The following PHEX variants were observed in gnomAD, a reference collection of about 807,000 sequenced individuals.
PHEX encodes the protein phosphate regulating endopeptidase X-linked, also known as phosphate-regulating neutral endopeptidase PHEX.
Under a neutral mutation model 68.0 loss-of-function variants are expected in PHEX, and 16 were observed. That is an observed-to-expected ratio of 0.24 (90% confidence interval 0.16 to 0.36). PHEX has a LOEUF of 0.36. Among genes scored for constraint, PHEX ranks in the 10% least tolerant of loss-of-function variants. PHEX has a pLI of 1.00. For synonymous variants in PHEX, 208 were observed against 205.1 expected, an observed-to-expected ratio of 1.01 and a Z score of -0.12; for missense variants, 480 against 575.5, an observed-to-expected ratio of 0.83 and a Z score of 1.70.
intron 12 of PHEX, among the ~76,000 whole-genome samples, chrX:22,138,076 C>G (rs1049441209): frequency 3.6e-5 from 4 of 112,478 alleles, no homozygotes; most frequent in Admixed American, 2.8e-4. Flanking sequence ...GCCTTTCTTT[C>G]TCTACATATT....
At chrX:22,069,331 A>G (rs752418338) in intron 3 of PHEX, among the ~76,000 whole-genome samples, 1 of 112,265 alleles carries the variant, frequency 8.9e-6, no homozygotes, top group East Asian at 2.8e-4. Context: ...TTGTAATGCT[A>G]TGCTATCAAA....
intron 15 of PHEX, among the ~76,000 whole-genome samples, chrX:22,206,287 G>A (rs939775939): frequency 1.8e-5 from 2 of 111,736 alleles, no homozygotes; most frequent in Admixed American, 9.6e-5. Context: ...CTAACAAGAT[G>A]TACTCATAAT....
intron 15 of PHEX, among the ~76,000 whole-genome samples, chrX:22,205,109 G>GA (rs1445007885): frequency 8.9e-6 from 1 of 112,034 alleles, no homozygotes; most frequent in African/African-American, 3.2e-5. Flanking sequence ...CACACTTAAT[G>GA]AAAAAACCCA....
intron 3 of PHEX, among the ~76,000 whole-genome samples, chrX:22,051,121 C>G (rs1927812150): frequency 8.9e-6 from 1 of 112,324 alleles, no homozygotes; most frequent in Non-Finnish European, 1.9e-5. Context: ...CTATGACAAG[C>G]ACTGTAAAGG....
chrX:22,189,625 T>C (rs1934136826), intron 14 of PHEX, among the ~76,000 whole-genome samples: 1 of 112,176 alleles, frequency 8.9e-6, no homozygotes, highest in Non-Finnish European at 1.9e-5. Flanking sequence ...TTTTTGGATT[T>C]CATCAATAAA....
At chrX:22,170,303 T>A (rs1933479132) in intron 13 of PHEX, among the ~76,000 whole-genome samples, 1 of 111,075 alleles carries the variant, frequency 9.0e-6, no homozygotes, top group Non-Finnish European at 1.9e-5. Flanking sequence ...ATATTCTGAG[T>A]CAGCATGTGG....
chrX:22,167,987 C>T (rs775274747), intron 12 of PHEX, among the ~76,000 whole-genome samples: 1 of 111,627 alleles, frequency 9.0e-6, no homozygotes, highest in Non-Finnish European at 1.9e-5. Context: ...TCTTAAGACT[C>T]GATTCAGTCA....
At chrX:22,060,680 A>C (rs1023455058) in intron 3 of PHEX, among the ~76,000 whole-genome samples, 2 of 111,815 alleles carry the variant, frequency 1.8e-5, no homozygotes, top group Non-Finnish European at 3.8e-5. Flanking sequence ...GTTAGCTTGA[A>C]TGTTGTAGGA....
rs775300717 is a variant in PHEX at position 22,226,961 on chromosome X, C to T, written c.1965+453C>T. ...AAGTGATAGTTCATAATAACGTTTT[C>T]ATCATCCACTAGTTTGTGGTCAAAT... On this transcript the variant is annotated intron_variant, in intron 19 of 21. Coordinates refer to ENST00000379374, the MANE Select transcript of PHEX (RefSeq NM_000444.6). 5.4e-5 allele frequency among the ~76,000 whole-genome samples: 6 copies of T among 111,707 alleles called. No homozygotes were observed. The Admixed American group carries it at 5.7e-4, about 11-fold the overall frequency.
intron 19 of PHEX, 89 bp from the exon 20 acceptor site, chrX:22,227,418 A>G: frequency 1.6e-6 from 1 of 612,715 alleles, no homozygotes; most frequent in South Asian, 2.3e-5. Flanking sequence ...TGCACGTGGC[A>G]GGAGTATATA....
chrX:22,033,185 A>T (rs776842086), intron 1 of PHEX, 62 bp downstream of exon 1: 1 of 826,894 alleles, frequency 1.2e-6, no homozygotes, highest in African/African-American at 2.0e-5. Flanking sequence ...CTTGTGCTTT[A>T]TTGTAGCAAA....
intron 16 of PHEX, among the ~76,000 whole-genome samples, chrX:22,214,862 T>C (rs886105108): frequency 8.9e-6 from 1 of 112,083 alleles, no homozygotes; most frequent in African/African-American, 3.2e-5. Flanking sequence ...TTTAACCAAA[T>C]CCATTAATAA....
intron 20 of PHEX, among the ~76,000 whole-genome samples, chrX:22,238,328 A>G (rs913711090): frequency 8.9e-6 from 1 of 111,752 alleles, no homozygotes; most frequent in African/African-American, 3.3e-5. Context: ...GGGAAGCACA[A>G]GGGGTTGGGG....
Position 22,096,942 on chromosome X carries a change from C to T in PHEX, c.850-13C>T, listed in dbSNP as rs1930163082. The T allele has an allele frequency of 1.7e-6, 2 of 1,163,401 alleles. No individual in the cohort carries two copies. ...TCACTTGAAAAAAAATAACAAAAAT[C>T]TCTTTTCAACAGATAATGATTCCAC... On this transcript the variant is annotated splice_polypyrimidine_tract_variant and intron_variant, in intron 7 of 21. Transcript: ENST00000379374.
At chrX:22,057,003 C>A (rs953612777) in intron 3 of PHEX, among the ~76,000 whole-genome samples, 4 of 110,325 alleles carry the variant, frequency 3.6e-5, no homozygotes, top group Admixed American at 9.7e-5. Flanking sequence ...TTAAATACTT[C>A]ATTTTAAAAA....
chrX:22,068,117 C>T (rs1373313381), intron 3 of PHEX, among the ~76,000 whole-genome samples: 3 of 111,022 alleles, frequency 2.7e-5, no homozygotes, highest in Non-Finnish European at 5.7e-5. Context: ...AGATTACAGG[C>T]GTGAGCCACC....
chrX:22,160,902 G>A (rs1933101595), intron 12 of PHEX, among the ~76,000 whole-genome samples: 1 of 111,227 alleles, frequency 9.0e-6, no homozygotes, highest in Non-Finnish European at 1.9e-5. Flanking sequence ...GGGAGGCTGA[G>A]GTGGACATAT....
chrX:22,187,125 A>G (rs1934056519), intron 14 of PHEX, among the ~76,000 whole-genome samples: 1 of 111,826 alleles, frequency 8.9e-6, no homozygotes, highest in African/African-American at 3.3e-5. Context: ...ATTATCTCAC[A>G]GTTCTCTAGC....
intron 12 of PHEX, among the ~76,000 whole-genome samples, chrX:22,157,000 G>A (rs9723758): frequency 0.29 from 32,314 of 109,578 alleles, 3,787 homozygotes; most frequent in East Asian, 0.57. Flanking sequence ...CTTCTGCCTC[G>A]GCCTCCCAGG....
Sources: allele counts gnomAD v4.1 joint callset (sites outside exome capture counted in the v4.1 genomes callset), GRCh38; gene constraint gnomAD v4.1.1; transcripts MANE v1.5; gene names NCBI Gene and HGNC (gene_info 2026-07-23, HGNC 2026-07-21).